Variants in STPG2 observed in about 807,000 individuals in gnomAD.
The protein encoded by STPG2 is sperm-tail PG-rich repeat-containing protein 2.
STPG2 carries 56 observed loss-of-function variants against 54.2 expected under a neutral mutation model. The observed-to-expected ratio is 1.03, with a 90% CI of 0.83 to 1.29. The LOEUF (loss-of-function observed/expected upper bound fraction) is 1.29. STPG2 is among the 50% of genes most tolerant of loss of function. The pLI, the probability that STPG2 is intolerant of heterozygous loss-of-function variation, is 0.00. For missense variants in STPG2, 596 were observed against 544.9 expected, an observed-to-expected ratio of 1.09 and a Z score of -0.93; for synonymous variants, 200 against 181.8, an observed-to-expected ratio of 1.10 and a Z score of -0.81.
In STPG2 at chr4:97,441,309, T is replaced by G. The variant is rs57888035; in HGVS notation, c.463-253476A>C. The G allele has an allele frequency of 2.9e-3, 437 of 152,062 alleles. 3 individuals carry two copies. The highest frequency in any genetic ancestry group is 9.7e-3 in the African/African-American group (403 of 41,540). 9.4% of individuals were successfully genotyped at this position (152,062 alleles called of 1,614,324 possible). ...ATATGGATGCATCAGTAGTACACGC[T>G]TAGAAAGAATGCAATGAATATATAT... is the stretch of plus-strand genomic sequence containing the variant. On this transcript the variant is annotated intron_variant, in intron 4 of 4. Coordinates refer to the STPG2 transcript ENST00000522676.
intron 5 of STPG2, among the ~76,000 whole-genome samples, chr4:98,037,964 T>C (rs1736825765): frequency 6.6e-6 from 1 of 152,134 alleles, no homozygotes; most frequent in South Asian, 2.1e-4. Context: ...CAGAGAGATA[T>C]AGCATGGTTT....
chr4:97,898,549 A>G (rs1731048326), intron 8 of STPG2, among the ~76,000 whole-genome samples: 2 of 151,744 alleles, frequency 1.3e-5, no homozygotes, highest in Admixed American at 1.3e-4. Flanking sequence ...ACAAATGAAA[A>G]TATCAATATC....
chr4:97,737,852 TAC>T (rs1725067001), intron 9 of STPG2, among the ~76,000 whole-genome samples: 1 of 152,008 alleles, frequency 6.6e-6, no homozygotes, highest in Admixed American at 6.5e-5. Context: ...ATTCAGGAAA[TAC>T]AGAGAATGCC....
chr4:97,537,614 G>T (rs1029988422), intron 4 of STPG2, among the ~76,000 whole-genome samples: 3 of 152,188 alleles, frequency 2.0e-5, no homozygotes, highest in Admixed American at 2.0e-4. Flanking sequence ...CTCCACCTCT[G>T]GGGGCAGGGC....
At chr4:97,448,090 T>G (rs959985099) in intron 4 of STPG2, among the ~76,000 whole-genome samples, 1 of 152,214 alleles carries the variant, frequency 6.6e-6, no homozygotes, top group East Asian at 1.9e-4. Context: ...GCTTTCAGAC[T>G]CACATGGGGC....
intron 8 of STPG2, among the ~76,000 whole-genome samples, chr4:97,906,545 C>T (rs1312353321): frequency 1.3e-5 from 2 of 152,156 alleles, no homozygotes; most frequent in South Asian, 2.1e-4. Flanking sequence ...ATACCAAAGC[C>T]TGGCAGAGAC....
At chr4:97,530,286 T>C (rs1399514199) in intron 4 of STPG2, among the ~76,000 whole-genome samples, 1 of 152,228 alleles carries the variant, frequency 6.6e-6, no homozygotes, top group Non-Finnish European at 1.5e-5. Context: ...TTTTGTGACA[T>C]TGTTATTGTT....
chr4:97,566,433 G>A (rs1372070957), intron 10 of STPG2, among the ~76,000 whole-genome samples: 1 of 152,180 alleles, frequency 6.6e-6, no homozygotes, highest in Non-Finnish European at 1.5e-5. Flanking sequence ...CACATGGCGT[G>A]CTGCACCCAC....
intron 4 of STPG2, among the ~76,000 whole-genome samples, chr4:97,482,092 C>A (rs1730236831): frequency 6.6e-6 from 1 of 151,364 alleles, no homozygotes; most frequent in African/African-American, 2.4e-5. Context: ...TTAAGATAAT[C>A]ATTTTTTTCT....
intron 10 of STPG2, among the ~76,000 whole-genome samples, chr4:97,619,237 G>T (rs1030885791): frequency 2.6e-5 from 4 of 151,916 alleles, no homozygotes; most frequent in African/African-American, 9.7e-5. Context: ...GTGTGTGTGT[G>T]TATGTGTGTG....
chr4:97,592,475 C>T (rs1385404691), intron 10 of STPG2, among the ~76,000 whole-genome samples: 2 of 151,050 alleles, frequency 1.3e-5, no homozygotes, highest in Admixed American at 1.3e-4. Flanking sequence ...TTAATCAAAT[C>T]TCTTTTTTAT....
At chr4:97,861,568 A>G (rs1729542755) in intron 8 of STPG2, among the ~76,000 whole-genome samples, 1 of 152,174 alleles carries the variant, frequency 6.6e-6, no homozygotes, top group Admixed American at 6.6e-5. Context: ...TTATGGCAGC[A>G]CTAGTCACAA....
At chr4:97,475,869 G>T (rs1007837839) in intron 4 of STPG2, among the ~76,000 whole-genome samples, 3 of 152,072 alleles carry the variant, frequency 2.0e-5, no homozygotes, top group African/African-American at 4.8e-5. Flanking sequence ...TATCTAAAAG[G>T]CCAGCCAACC....
intron 10 of STPG2, among the ~76,000 whole-genome samples, chr4:97,592,295 T>C (rs1733165838): frequency 1.3e-5 from 2 of 152,134 alleles, no homozygotes; most frequent in Admixed American, 6.5e-5. Flanking sequence ...ATATTAGAAT[T>C]CTCACTTAAA....
chr4:97,457,014 T>A (rs1314979430), intron 4 of STPG2, among the ~76,000 whole-genome samples: 1 of 150,108 alleles, frequency 6.7e-6, no homozygotes, highest in Non-Finnish European at 1.5e-5. Context: ...TTCCACATCA[T>A]ATGTCATTAG....
At chr4:97,522,442 C>G (rs2148847844) in intron 4 of STPG2, among the ~76,000 whole-genome samples, 1 of 152,016 alleles carries the variant, frequency 6.6e-6, no homozygotes, top group Middle Eastern at 3.4e-3. Flanking sequence ...ACACTTTTCC[C>G]AGTGTTTTAC....
At chr4:97,889,402 G>C (rs757299698) in intron 8 of STPG2, among the ~76,000 whole-genome samples, 1 of 152,106 alleles carries the variant, frequency 6.6e-6, no homozygotes, top group Non-Finnish European at 1.5e-5. Context: ...CAGTAGTCAA[G>C]ATATGGAATA....
intron 9 of STPG2, among the ~76,000 whole-genome samples, chr4:97,809,292 C>T (rs1727665664): frequency 6.6e-6 from 1 of 152,140 alleles, no homozygotes; most frequent in African/African-American, 2.4e-5. Context: ...GAGAGAGCAG[C>T]ACGTTTTAAC....
chr4:98,116,683 T>G (rs1170938270), intron 3 of STPG2, among the ~76,000 whole-genome samples: 1 of 151,828 alleles, frequency 6.6e-6, no homozygotes. Flanking sequence ...TTGTTATTAA[T>G]AGGATGATGG....
Sources: allele counts gnomAD v4.1 joint callset (sites outside exome capture counted in the v4.1 genomes callset), GRCh38; gene constraint gnomAD v4.1.1; transcripts MANE v1.5; gene names NCBI Gene and HGNC (gene_info 2026-07-23, HGNC 2026-07-21).